MID1: variants seen among roughly 807,000 people sequenced by gnomAD.
MID1 encodes E3 ubiquitin-protein ligase Midline-1.
A neutral mutation model predicts 40.4 loss-of-function variants in MID1; 7 were observed. That is an observed-to-expected ratio of 0.17 (90% CI 0.10 to 0.33). MID1 has a LOEUF of 0.33. Ranked by LOEUF, MID1 falls within the 10% of genes least tolerant of loss-of-function variation. The pLI, the probability that MID1 is intolerant of heterozygous loss-of-function variation, is 1.00. For synonymous variants in MID1, 229 were observed against 221.2 expected (o/e 1.04, Z -0.31); for missense variants, 367 against 558.5 (o/e 0.66, Z 3.46).
intron 1 of MID1, among the ~76,000 whole-genome samples, chrX:10,613,536 A>G (rs1935771193): frequency 2.8e-5 from 3 of 106,739 alleles, no homozygotes; most frequent in Admixed American, 2.1e-4. Context: ...GCTGGGTTCA[A>G]TGAGAGAAAG....
intron 1 of MID1, among the ~76,000 whole-genome samples, chrX:10,572,210 A>ACG (rs1325922769): frequency 1.9e-5 from 2 of 106,051 alleles, no homozygotes; most frequent in East Asian, 5.7e-4. Flanking sequence ...ACACACACAC[A>ACG]CACACACACA....
intron 1 of MID1, among the ~76,000 whole-genome samples, chrX:10,687,079 C>G (rs1325882861): frequency 1.8e-5 from 2 of 111,508 alleles, no homozygotes; most frequent in Non-Finnish European, 3.8e-5. Context: ...CCACTGTTAC[C>G]TTTATTTTGA....
chrX:10,598,918 T>C (rs1399697838), intron 1 of MID1, among the ~76,000 whole-genome samples: 1 of 111,933 alleles, frequency 8.9e-6, no homozygotes, highest in African/African-American at 3.2e-5. Flanking sequence ...GTTTAATCTG[T>C]ACATTTGTGC....
chrX:10,698,739 A>G (rs2043176906), intron 1 of MID1, among the ~76,000 whole-genome samples: 1 of 110,074 alleles, frequency 9.1e-6, no homozygotes, highest in African/African-American at 3.3e-5. Context: ...AAGAAAAAAA[A>G]AAAAAAAACA....
In MID1 at chrX:10,649,798, T is replaced by A. The variant is rs1020720883; in HGVS notation, c.-186-29379A>T. Among the ~76,000 whole-genome samples the A allele has an allele frequency of 1.4e-4, 16 of 112,127 alleles. 1 individual carries two copies. Among genetic ancestry groups the A allele is most frequent in the African/African-American group, 5.2e-4 (16 of 30,902 alleles). On this transcript the variant is annotated intron_variant, in intron 1 of 10. Transcript: ENST00000380785. Reference sequence around the variant, plus strand: ...ATGTATGTGTTCATTTGAATTCTGATCTTATATTTCACTTAAAACAGTGCT... The same window carrying A: ...ATGTATGTGTTCATTTGAATTCTGAACTTATATTTCACTTAAAACAGTGCT...
At chrX:10,813,250 A>G (rs998394418) in intron 1 of MID1, among the ~76,000 whole-genome samples, 6 of 110,145 alleles carry the variant, frequency 5.4e-5, no homozygotes, top group Non-Finnish European at 1.1e-4. Context: ...TAGATTCCCG[A>G]GTTAGATTGA....
intron 1 of MID1, among the ~76,000 whole-genome samples, chrX:10,714,676 T>C (rs917535900): frequency 8.9e-6 from 1 of 112,531 alleles, no homozygotes; most frequent in Non-Finnish European, 1.9e-5. Flanking sequence ...GTAAGTCACA[T>C]GTAGCATGCC....
At chrX:10,496,056 C>G (rs1931232717) in intron 3 of MID1, among the ~76,000 whole-genome samples, 1 of 110,056 alleles carries the variant, frequency 9.1e-6, no homozygotes, top group South Asian at 3.7e-4. Flanking sequence ...CCCTGTTAAA[C>G]ATAAAAAAAG....
intron 4 of MID1, among the ~76,000 whole-genome samples, chrX:10,486,441 C>T (rs1930620654): frequency 8.9e-6 from 1 of 111,856 alleles, no homozygotes; most frequent in South Asian, 3.8e-4. Context: ...GACCCAAGTC[C>T]CCCAGTGAAC....
chrX:10,810,814 G>A (rs777728334), intron 1 of MID1, among the ~76,000 whole-genome samples: 1 of 108,632 alleles, frequency 9.2e-6, no homozygotes, highest in Non-Finnish European at 1.9e-5. Flanking sequence ...TTTCTATGAC[G>A]TTCCTGTCTA....
intron 1 of MID1, among the ~76,000 whole-genome samples, chrX:10,822,724 C>T (rs2044184378): frequency 8.9e-6 from 1 of 111,941 alleles, no homozygotes; most frequent in Non-Finnish European, 1.9e-5. Flanking sequence ...TGAAAAAAAG[C>T]TCAACATCAC....
chrX:10,597,021 A>G (rs1935424492), intron 1 of MID1, among the ~76,000 whole-genome samples: 1 of 111,189 alleles, frequency 9.0e-6, no homozygotes, highest in Non-Finnish European at 1.9e-5. Flanking sequence ...CTGCCCATTA[A>G]TCCTAAATGT....
chrX:10,480,217 C>T (rs771099886), intron 5 of MID1, among the ~76,000 whole-genome samples: 13 of 112,407 alleles, frequency 1.2e-4, no homozygotes, highest in Admixed American at 9.4e-5. Flanking sequence ...AAATCAAAGT[C>T]ATGTTCCTGC....
chrX:10,524,634 G>C (rs1466275463), intron 2 of MID1, among the ~76,000 whole-genome samples: 1 of 112,325 alleles, frequency 8.9e-6, no homozygotes, highest in Non-Finnish European at 1.9e-5. Context: ...GACTCTGAAA[G>C]AGACAGTGGG....
At position 10,592,002 on chromosome X, in the gene MID1, G is replaced by C. The variant is rs758968661; in HGVS notation, c.-56-24399C>G. ...ATATGGTAATGATCGAGCGTCTTTA[G>C]GGTAGTGGGTAAATTCCAAGTTCTT... On this transcript the variant is annotated intron_variant, in intron 1 of 9. Transcript: ENST00000317552. Among the ~76,000 whole-genome samples, 5 of 110,580 alleles carry C rather than the reference G, an allele frequency of 4.5e-5. No homozygotes were observed. In the East Asian group the frequency reaches 1.4e-3, roughly 31 times the overall value.
At chrX:10,707,926 C>T (rs1402562349) in intron 1 of MID1, among the ~76,000 whole-genome samples, 2 of 113,025 alleles carry the variant, frequency 1.8e-5, no homozygotes, top group Non-Finnish European at 3.7e-5. Context: ...AGTTATTTAG[C>T]ATTTAATATT....
chrX:10,486,946 C>A (rs1203839842), intron 4 of MID1, among the ~76,000 whole-genome samples: 1 of 111,840 alleles, frequency 8.9e-6, no homozygotes, highest in Non-Finnish European at 1.9e-5. Context: ...ACCTTCCAGG[C>A]TCAAGCAATC....
chrX:10,576,412 G>A (rs1386303510), intron 1 of MID1, among the ~76,000 whole-genome samples: 1 of 111,870 alleles, frequency 8.9e-6, no homozygotes, highest in Non-Finnish European at 1.9e-5. Flanking sequence ...GTGGGGATAT[G>A]AAGGCTTTAA....
intron 4 of MID1, among the ~76,000 whole-genome samples, chrX:10,483,696 G>T (rs933881441): frequency 3.6e-5 from 4 of 111,959 alleles, no homozygotes; most frequent in Admixed American, 2.8e-4. Flanking sequence ...CTGGCCCAAG[G>T]CTCTCTCCAG....
Sources: gnomAD v4.1 joint callset for allele counts (sites outside exome capture counted in the v4.1 genomes callset) on GRCh38, gnomAD v4.1.1 for gene constraint, MANE v1.5 for transcripts, NCBI Gene and HGNC (gene_info 2026-07-23, HGNC 2026-07-21) for gene names.